The following MAP2 variants were observed in gnomAD, a reference collection of about 807,000 sequenced individuals.
MAP2 encodes the protein microtubule-associated protein 2.
MAP2 carries 14 observed loss-of-function variants against 137.6 expected under a neutral mutation model. The ratio of observed to expected loss-of-function variants is 0.10; its 90% CI spans 0.07 to 0.16. MAP2 has a LOEUF of 0.16. Ranked by LOEUF, MAP2 falls within the 10% of genes least tolerant of loss-of-function variation. The probability of loss-of-function intolerance (pLI) is 1.00; values close to 1 mark genes in which losing one functional copy is unlikely to be tolerated. For synonymous variants in MAP2, 786 were observed against 782.3 expected (o/e 1.00, Z -0.08); for missense variants, 2,088 against 2,191.5 (o/e 0.95, Z 0.94).
intron 1 of MAP2, among the ~76,000 whole-genome samples, chr2:209,461,298 T>G (rs1405476917): frequency 6.6e-6 from 1 of 152,220 alleles, no homozygotes; most frequent in East Asian, 1.9e-4. Context: ...GTTACTCAGT[T>G]GCACTGCCCT....
chr2:209,613,249 A>ATTTT (rs1553616874), intron 3 of MAP2, among the ~76,000 whole-genome samples: 1 of 126,992 alleles, frequency 7.9e-6, no homozygotes, highest in Non-Finnish European at 1.5e-5. Context: ...TTTTATTTCT[A>ATTTT]TTTTTATTTA....
At chr2:209,439,694 A>G (rs1697277840) in intron 1 of MAP2, among the ~76,000 whole-genome samples, 1 of 151,468 alleles carries the variant, frequency 6.6e-6, no homozygotes, top group African/African-American at 2.4e-5. Flanking sequence ...TACATAAGAG[A>G]TGCATATCAC....
intron 3 of MAP2, among the ~76,000 whole-genome samples, chr2:209,620,105 T>C (rs2090685331): frequency 6.6e-6 from 1 of 152,192 alleles, no homozygotes; most frequent in Non-Finnish European, 1.5e-5. Flanking sequence ...TCAGGATTTG[T>C]GTAAACAGGT....
rs1199850239 is a variant in MAP2, at chr2:209,593,633, AAATATAT to A, written c.-107+13535_-107+13541del. Among the ~76,000 whole-genome samples, 9 of 61,956 alleles carry A rather than the reference AAATATAT, an allele frequency of 1.5e-4. 1 individual carries two copies. The highest frequency in any genetic ancestry group is 5.7e-4 in the African/African-American group (8 of 13,916). 40.6% of individuals were successfully genotyped at this position (61,956 alleles called of 152,430 possible). Reference sequence around the variant, plus strand: ...CCCTGTCTCTACAAAAAAAAAAAAAAAATATATATATATATATATATATATATATATA... The same window carrying A: ...CCCTGTCTCTACAAAAAAAAAAAAAAATATATATATATATATATATATATA... On this transcript the variant is annotated intron_variant, in intron 3 of 15. Coordinates refer to ENST00000682079, the MANE Select transcript of MAP2 (RefSeq NM_001375505.1).
At chr2:209,626,217 C>G (rs985894532) in intron 4 of MAP2, among the ~76,000 whole-genome samples, 16 of 152,092 alleles carry the variant, frequency 1.1e-4, no homozygotes, top group Non-Finnish European at 2.2e-4. Flanking sequence ...AGTTTGAGAT[C>G]AGCCTGGCCA....
At chr2:209,508,644 A>C (rs1451178214) in intron 2 of MAP2, among the ~76,000 whole-genome samples, 1 of 151,268 alleles carries the variant, frequency 6.6e-6, no homozygotes, top group Non-Finnish European at 1.5e-5. Flanking sequence ...TTCTCTTTTC[A>C]GGTTCAAACT....
rs1349197113 is a variant in MAP2, at chr2:209,732,612, A to T, written c.*2215A>T. On this transcript the variant is annotated 3_prime_UTR_variant, in exon 16 of 16. Coordinates refer to ENST00000682079, the MANE Select transcript of MAP2 (RefSeq NM_001375505.1). ...GTTTTCATAGTCTTAAATAGTGATT[A>T]AATTTCTCTAGAAAGAAGTTAACAG... 1 of 152,588 alleles carries T rather than the reference A, an allele frequency of 6.6e-6. No individual in the cohort carries two copies. The highest frequency in any genetic ancestry group is 2.4e-5 in the African/African-American group (1 of 41,456). 9.5% of individuals were successfully genotyped at this position (152,588 alleles called of 1,614,324 possible).
intron 1 of MAP2, among the ~76,000 whole-genome samples, chr2:209,459,982 G>T (rs1702379812): frequency 6.6e-6 from 1 of 152,182 alleles, no homozygotes; most frequent in Non-Finnish European, 1.5e-5. Flanking sequence ...AATAAGGCCT[G>T]TTGCTAGATT....
At chr2:209,577,532 G>A (rs995552040) in intron 2 of MAP2, among the ~76,000 whole-genome samples, 2 of 152,132 alleles carry the variant, frequency 1.3e-5, no homozygotes, top group Non-Finnish European at 2.9e-5. Flanking sequence ...CACATTTACT[G>A]AGTAGTTTAG....
At chr2:209,495,889 A>G (rs115492974) in intron 1 of MAP2, among the ~76,000 whole-genome samples, 3,363 of 152,286 alleles carry the variant, frequency 0.022, 45 homozygotes, top group Non-Finnish European at 0.033. Flanking sequence ...TTCATTTTCA[A>G]CTGACATTTA....
intron 2 of MAP2, among the ~76,000 whole-genome samples, chr2:209,550,318 T>G (rs544388902): frequency 6.6e-6 from 1 of 152,188 alleles, no homozygotes; most frequent in Non-Finnish European, 1.5e-5. Flanking sequence ...TATATACTTA[T>G]GATTATAGAA....
intron 2 of MAP2, among the ~76,000 whole-genome samples, chr2:209,516,852 T>C (rs2062586615): frequency 6.6e-6 from 1 of 152,054 alleles, no homozygotes. Flanking sequence ...GTTAGAGGGG[T>C]GTACTGGCAG....
At chr2:209,483,196 A>T (rs1001040968) in intron 1 of MAP2, among the ~76,000 whole-genome samples, 1 of 152,214 alleles carries the variant, frequency 6.6e-6, no homozygotes, top group Non-Finnish European at 1.5e-5. Context: ...ATGTTTGCTT[A>T]TACTTTTATT....
intron 2 of MAP2, among the ~76,000 whole-genome samples, chr2:209,534,157 T>G (rs751025942): frequency 6.6e-6 from 1 of 152,254 alleles, no homozygotes; most frequent in East Asian, 1.9e-4. Context: ...TGAGACCTTT[T>G]GTTAGTTTGC....
intron 11 of MAP2, chr2:209,704,161 A>T (rs1286219656): frequency 1.2e-5 from 5 of 420,956 alleles, no homozygotes; most frequent in Non-Finnish European, 2.3e-5. Flanking sequence ...TGCCATCTTT[A>T]TGTCCGTGTG....
In MAP2 at chr2:209,730,225, G is replaced by T; in HGVS notation, c.5312G>T (p.Arg1771Leu). ...AACTTCAGAGAGCATGCTAAAGCCC[G>T]TGTGGACCATGGGGCTGAGATCATT... The part of the protein sequence containing the change: ...KLNFREHAKA[R>L]VDHGAEIITQ... The change falls in exon 16 of 16, where the codon CGT becomes CTT. Residue 1771 changes from arginine (R) to leucine (L), a missense_variant. Coordinates refer to ENST00000682079, the MANE Select transcript of MAP2 (RefSeq NM_001375505.1). The T allele has an allele frequency of 6.2e-7, 1 of 1,614,052 alleles. No homozygotes were observed. The highest frequency in any genetic ancestry group is 2.2e-5 in the East Asian group (1 of 44,868).
At chr2:209,717,002 GGAA>G (rs748354874) in intron 13 of MAP2, among the ~76,000 whole-genome samples, 4 of 152,076 alleles carry the variant, frequency 2.6e-5, no homozygotes, top group Non-Finnish European at 2.9e-5. Flanking sequence ...GTGTCATAAG[GGAA>G]GAAGGAGACA....
At chr2:209,438,876 A>C (rs575885209) in intron 1 of MAP2, among the ~76,000 whole-genome samples, 1 of 151,332 alleles carries the variant, frequency 6.6e-6, no homozygotes, top group East Asian at 1.9e-4. Flanking sequence ...AATATTTCAA[A>C]TTTTTGGATA....
chr2:209,661,759 A>G (rs776412142), intron 5 of MAP2: 20 of 899,462 alleles, frequency 2.2e-5, no homozygotes, highest in Non-Finnish European at 2.7e-5. Context: ...TTCAATCATA[A>G]TATTTGGCTT....
Sources: allele counts gnomAD v4.1 joint callset (sites outside exome capture counted in the v4.1 genomes callset), GRCh38; gene constraint gnomAD v4.1.1; transcripts MANE v1.5; gene names NCBI Gene and HGNC (gene_info 2026-07-23, HGNC 2026-07-21).